Variants in ABLIM1 observed in about 807,000 individuals in gnomAD.
ABLIM1 encodes actin-binding LIM protein 1.
ABLIM1 carries 40 observed loss-of-function variants against 107.0 expected under a neutral mutation model. The ratio of observed to expected loss-of-function variants is 0.37; its 90% CI spans 0.29 to 0.49. The LOEUF is 0.49. Ranked by LOEUF, ABLIM1 falls within the 20% of genes least tolerant of loss-of-function variation. ABLIM1 has a pLI of 0.97. For missense variants in ABLIM1, 857 were observed against 1,008.5 expected (o/e 0.85, Z 2.04); for synonymous variants, 357 against 357.3 (o/e 1.00, Z 0.01).
chr10:114,697,025 A>G (rs898746810), intron 1 of ABLIM1, among the ~76,000 whole-genome samples: 3 of 152,166 alleles, frequency 2.0e-5, no homozygotes, highest in African/African-American at 7.2e-5. Context: ...TCTGGGTTCA[A>G]TAAGAACTAG....
chr10:114,644,929 G>A (rs2078949480), intron 1 of ABLIM1, among the ~76,000 whole-genome samples: 1 of 152,116 alleles, frequency 6.6e-6, no homozygotes, highest in Non-Finnish European at 1.5e-5. Context: ...GAGCAGCCTG[G>A]AATTCTGTAC....
intron 1 of ABLIM1, among the ~76,000 whole-genome samples, chr10:114,728,469 T>C (rs1328299284): frequency 7.4e-6 from 1 of 134,424 alleles, no homozygotes; most frequent in Non-Finnish European, 1.5e-5. Flanking sequence ...TCCATCAACA[T>C]TAAGAATGGG....
At chr10:114,638,795 T>C (rs1273819151) in intron 1 of ABLIM1, among the ~76,000 whole-genome samples, 3 of 152,322 alleles carry the variant, frequency 2.0e-5, no homozygotes, top group East Asian at 3.9e-4. Context: ...AGATACCTTA[T>C]CCTTCATCGG....
chr10:114,541,634 C>G (rs1028590987), intron 6 of ABLIM1, among the ~76,000 whole-genome samples: 1 of 152,192 alleles, frequency 6.6e-6, no homozygotes, highest in African/African-American at 2.4e-5. Context: ...GGAGGCTGAA[C>G]ATGGTGCAAA....
chr10:114,611,785 G>A (rs1440410462), intron 1 of ABLIM1, among the ~76,000 whole-genome samples: 6 of 152,086 alleles, frequency 3.9e-5, no homozygotes, highest in African/African-American at 1.2e-4. Flanking sequence ...AATTGGCTTG[G>A]TGCCTTTTCC....
intron 5 of ABLIM1, among the ~76,000 whole-genome samples, chr10:114,547,204 A>G (rs2067469789): frequency 6.6e-6 from 1 of 150,840 alleles, no homozygotes; most frequent in East Asian, 1.9e-4. Context: ...ATTATCCACT[A>G]TTATTGAACA....
intron 12 of ABLIM1, among the ~76,000 whole-genome samples, chr10:114,463,321 G>A (rs1416351641): frequency 6.6e-6 from 1 of 152,150 alleles, no homozygotes; most frequent in East Asian, 1.9e-4. Context: ...AGGGTTAAGA[G>A]TGCACCTGCT....
At chr10:114,604,469 G>T (rs2140066739) in intron 1 of ABLIM1, among the ~76,000 whole-genome samples, 1 of 152,316 alleles carries the variant, frequency 6.6e-6, no homozygotes, top group South Asian at 2.1e-4. Flanking sequence ...GCACCCAGGT[G>T]GTAACACTCA....
At chr10:114,468,480 T>C (rs969499976) in intron 10 of ABLIM1, among the ~76,000 whole-genome samples, 3 of 152,098 alleles carry the variant, frequency 2.0e-5, no homozygotes, top group Admixed American at 6.5e-5. Flanking sequence ...TTCACTGCGT[T>C]AGTCAGGATG....
chr10:114,457,967 G>A (rs2063144096), intron 12 of ABLIM1, among the ~76,000 whole-genome samples: 1 of 152,138 alleles, frequency 6.6e-6, no homozygotes, highest in Admixed American at 6.5e-5. Context: ...CAGCTACTCA[G>A]GAGGCTATGG....
At chr10:114,648,000 G>A (rs975771992) in intron 1 of ABLIM1, among the ~76,000 whole-genome samples, 3 of 152,168 alleles carry the variant, frequency 2.0e-5, no homozygotes, top group African/African-American at 7.2e-5. Context: ...GTACATATAG[G>A]ATTTGTGTAC....
At chr10:114,585,733 AC>A (rs1181459810) in intron 2 of ABLIM1, among the ~76,000 whole-genome samples, 1 of 152,058 alleles carries the variant, frequency 6.6e-6, no homozygotes, top group Non-Finnish European at 1.5e-5. Context: ...TGCCAACTTC[AC>A]CCAGGCTCCC....
intron 6 of ABLIM1, among the ~76,000 whole-genome samples, chr10:114,537,577 G>A (rs1307201490): frequency 3.9e-5 from 6 of 152,208 alleles, no homozygotes; most frequent in African/African-American, 1.4e-4. Context: ...AGCCTCATCT[G>A]TAAATGAAGG....
Position 114,658,016 on chromosome 10 carries a change from T to C in ABLIM1, c.185A>G (p.Tyr62Cys), listed in dbSNP as rs1038125723. 36 of 1,614,056 alleles carry C rather than the reference T, an allele frequency of 2.2e-5. No individual in the cohort carries two copies. The highest frequency in any genetic ancestry group is 2.6e-5 in the Non-Finnish European group (31 of 1,180,026). The change falls in exon 1 of 23, where the codon TAT (tyrosine) becomes TGT (cysteine). Residue 62 changes from tyrosine (Y) to cysteine (C), a missense_variant. Tyr to Cys is a radical substitution (Grantham distance 194). Around this residue, in one of 5 missense-constraint regions of ABLIM1, gnomAD observed 176 missense variants for 173.5 expected, o/e 1.01. Transcript: ENST00000533213. ...HRRATITHLLYLCPKDYCPRG... is the reference protein window; with the variant it reads ...HRRATITHLLCLCPKDYCPRG... Reference sequence around the variant, plus strand: ...TGGGCAGTAGTCCTTGGGACAGAGATACAGCAAATGAGTGATAGTGGCACG... The same window carrying C: ...TGGGCAGTAGTCCTTGGGACAGAGACACAGCAAATGAGTGATAGTGGCACG...
chr10:114,763,153 T>C (rs543564800), intron 1 of ABLIM1, among the ~76,000 whole-genome samples: 36 of 152,320 alleles, frequency 2.4e-4, no homozygotes, highest in African/African-American at 7.7e-4. Context: ...GCATGGTGTA[T>C]GTATTTACTA....
rs557798014 is a variant in ABLIM1 at position 114,520,636 on chromosome 10, T to C, written c.894+24369A>G. ...AGAATGAGAGGGTTTAAGCAATCAA[T>C]GACGTCCTATCGGTTAAAAAAAGAA... On this transcript the variant is annotated intron_variant, in intron 6 of 22. Transcript: ENST00000533213. Among the ~76,000 whole-genome samples, 39 of 151,894 alleles carry C rather than the reference T, an allele frequency of 2.6e-4. No individual in the cohort carries two copies. In the South Asian group the frequency reaches 7.7e-3, roughly 30 times the overall value.
In ABLIM1 at chr10:114,521,795, G is replaced by A. The variant is rs146109615; in HGVS notation, c.894+23210C>T. The stretch of plus-strand genomic sequence containing the variant: ...TAGTTTCGGGGATATGATAGTACCT[G>A]TCATAAGCATACATTCTTGCAATGA... On this transcript the variant is annotated intron_variant, in intron 6 of 22. Coordinates refer to ENST00000533213, the MANE Select transcript of ABLIM1 (RefSeq NM_002313.7). Among the ~76,000 whole-genome samples the A allele has an allele frequency of 4.2e-3, 640 of 152,122 alleles. 4 individuals carry two copies. The highest frequency in any genetic ancestry group is 0.015 in the African/African-American group (609 of 41,474).
At chr10:114,768,057 T>C in intron 1 of ABLIM1, 1 of 430,920 alleles carries the variant, frequency 2.3e-6, no homozygotes, top group Non-Finnish European at 4.6e-6. Flanking sequence ...TGGTCCCCAC[T>C]CACCTCTGGC....
intron 1 of ABLIM1, among the ~76,000 whole-genome samples, chr10:114,729,314 C>A (rs1347785161): frequency 6.6e-6 from 1 of 152,072 alleles, no homozygotes; most frequent in Non-Finnish European, 1.5e-5. Flanking sequence ...TTCCACTCAG[C>A]CTGGCAGCAC....
Sources: gnomAD v4.1 joint callset for allele counts (sites outside exome capture counted in the v4.1 genomes callset) on GRCh38, gnomAD v4.1.1 for gene constraint, gnomAD v4.1.1 regional missense constraint, MANE v1.5 for transcripts, NCBI Gene and HGNC (gene_info 2026-07-23, HGNC 2026-07-21) for gene names.